The following PIAS2 variants were observed in gnomAD, a reference collection of about 807,000 sequenced individuals.
PIAS2 encodes the protein protein inhibitor of activated STAT 2.
PIAS2 carries 19 observed loss-of-function variants against 69.7 expected under a neutral mutation model. The observed-to-expected ratio is 0.27, with a 90% CI of 0.19 to 0.40. The LOEUF is 0.40. Among genes scored for constraint, PIAS2 ranks in the 10% least tolerant of loss-of-function variants. PIAS2 has a pLI of 1.00. For missense variants in PIAS2, 624 were observed against 757.0 expected, an observed-to-expected ratio of 0.82 and a Z score of 2.06; for synonymous variants, 261 against 263.2, an observed-to-expected ratio of 0.99 and a Z score of 0.08.
At chr18:46,841,238 C>T (rs2045341165) in intron 8 of PIAS2, among the ~76,000 whole-genome samples, 1 of 152,184 alleles carries the variant, frequency 6.6e-6, no homozygotes, top group Non-Finnish European at 1.5e-5. Flanking sequence ...TTAGAATTTG[C>T]TCCCACTTTT....
intron 9 of PIAS2, among the ~76,000 whole-genome samples, chr18:46,831,626 T>C (rs2043633772): frequency 6.6e-6 from 1 of 152,148 alleles, no homozygotes; most frequent in Non-Finnish European, 1.5e-5. Flanking sequence ...TACAGACAAA[T>C]AAATCAATAG....
upstream of PIAS2, chr18:46,918,104 G>A (rs907621418): frequency 6.6e-6 from 1 of 152,086 alleles, no homozygotes; most frequent in Non-Finnish European, 1.5e-5. Context: ...TGAAATAAGA[G>A]CGCTCAGAAG....
intron 2 of PIAS2, among the ~76,000 whole-genome samples, chr18:46,873,464 G>A (rs1205657994): frequency 2.0e-5 from 3 of 152,154 alleles, no homozygotes; most frequent in South Asian, 2.1e-4. Context: ...ATGGGTATTC[G>A]GTGGTTGATG....
Position 46,828,025 on chromosome 18 carries a change from T to G in PIAS2, c.1442A>C (p.Glu481Ala). ...DLTIESSSDE[E>A]EDPPAKRKCI... ...TTTCCTTTTGGCAGGAGGGTCTTCCTCTTCGTCAGAAGAGCTTTCTATTGT... is the reference window on the plus strand; with the variant it reads ...TTTCCTTTTGGCAGGAGGGTCTTCCGCTTCGTCAGAAGAGCTTTCTATTGT... The change falls in exon 11 of 14, where the codon GAG becomes GCG. Residue 481 changes from glutamate (E) to alanine (A), a missense_variant. Glu to Ala is a moderately radical substitution (Grantham distance 107). This residue lies in a region of PIAS2 where 241 missense variants were observed against 257.3 expected (regional missense o/e 0.94). Transcript: ENST00000585916. The G allele has an allele frequency of 1.9e-6, 3 of 1,613,996 alleles. No homozygotes were observed. The highest frequency in any genetic ancestry group is 2.5e-6 in the Non-Finnish European group (3 of 1,179,904).
At chr18:46,918,869 C>T (rs1222891853), upstream of PIAS2, among the ~76,000 whole-genome samples, 1 of 152,120 alleles carries the variant, frequency 6.6e-6, no homozygotes, top group Non-Finnish European at 1.5e-5. Context: ...CCACATCCCA[C>T]ATTTTAATTC....
chr18:46,908,660 T>C (rs748957812), intron 1 of PIAS2, among the ~76,000 whole-genome samples: 1 of 152,148 alleles, frequency 6.6e-6, no homozygotes, highest in Non-Finnish European at 1.5e-5. Context: ...GCACTATCCA[T>C]AAAGAAAAGC....
At chr18:46,894,377 G>A (rs1356631864) in intron 1 of PIAS2, among the ~76,000 whole-genome samples, 2 of 152,122 alleles carry the variant, frequency 1.3e-5, no homozygotes, top group African/African-American at 4.8e-5. Context: ...AGGTTAGCCT[G>A]CTATGAACAC....
Position 46,844,131 on chromosome 18 carries a change from TAAAAAGAAGAG to T in PIAS2, c.968-15_968-5del, listed in dbSNP as rs1311876047. Reference sequence around the variant, plus strand: ...TCTGCAGTAAGTTTTTCTTTAACTTTAAAAAGAAGAGAAAAAAAAAAATTTAAAAAAATTAA... The same window carrying T: ...TCTGCAGTAAGTTTTTCTTTAACTTTAAAAAAAAAAATTTAAAAAAATTAA... On this transcript the variant is annotated splice_region_variant and splice_polypyrimidine_tract_variant and intron_variant, in intron 7 of 13. Transcript: ENST00000585916. 2.2e-6 allele frequency: 3 copies of T among 1,368,878 alleles called. No homozygotes were observed. Among genetic ancestry groups the T allele is most frequent in the Non-Finnish European group, 2.9e-6 (3 of 1,047,216 alleles). 84.8% of individuals were successfully genotyped at this position (1,368,878 alleles called of 1,614,324 possible). A position where few individuals can be genotyped will look rare whatever the true frequency, so the allele number is the denominator to read the frequency against.
Position 46,855,603 on chromosome 18 carries a change from T to C in PIAS2, c.597A>G (p.Pro199=), listed in dbSNP as rs1345307440. 2 of 1,613,204 alleles carry C rather than the reference T, an allele frequency of 1.2e-6. No individual in the cohort carries two copies. The highest frequency in any genetic ancestry group is 1.7e-6 in the Non-Finnish European group (2 of 1,179,398). The change falls in exon 4 of 14, where the codon CCA becomes CCG. Residue 199 remains proline (P), a synonymous_variant. Coordinates refer to ENST00000585916, the MANE Select transcript of PIAS2 (RefSeq NM_004671.5). ...GGACTGTATAATCTCTCCTACCACC[T>C]GGCAAAAAATCCCTGTTGGAAAGAG... ...REICISRDFL[P]GGRRDYTVQV...
At chr18:46,918,653 C>T (rs916326883), upstream of PIAS2, among the ~76,000 whole-genome samples, 1 of 152,158 alleles carries the variant, frequency 6.6e-6, no homozygotes, top group African/African-American at 2.4e-5. Context: ...AACTCCGGAC[C>T]TCAGGTGATC....
At chr18:46,906,116 GCTT>G (rs1599052396) in intron 1 of PIAS2, 1 of 152,076 alleles carries the variant, frequency 6.6e-6, no homozygotes, top group Non-Finnish European at 1.5e-5. Context: ...TGCAGAAAAA[GCTT>G]CTGATAAAAT....
chr18:46,917,647 GC>G (rs1298148475), upstream of PIAS2: 3 of 775,314 alleles, frequency 3.9e-6, no homozygotes, highest in Non-Finnish European at 3.1e-6. Context: ...CCGGCGTGCT[GC>G]CCCGCGGCTT....
At chr18:46,919,610 T>C (rs1400500461), upstream of PIAS2, among the ~76,000 whole-genome samples, 1 of 152,150 alleles carries the variant, frequency 6.6e-6, no homozygotes, top group Non-Finnish European at 1.5e-5. Flanking sequence ...GATCGCACCA[T>C]TGCACTCCAG....
At chr18:46,887,681 A>G (rs1267730361) in intron 2 of PIAS2, among the ~76,000 whole-genome samples, 1 of 152,210 alleles carries the variant, frequency 6.6e-6, no homozygotes, top group Non-Finnish European at 1.5e-5. Flanking sequence ...TTAAATATAA[A>G]AGGTTTATTT....
rs994510918 is a variant in PIAS2, at chr18:46,917,055, C to T, written c.24+267G>A. On this transcript the variant is annotated intron_variant, in intron 1 of 13. Transcript: ENST00000585916. ...TGCCCCTCCTGGAGGGCGCCCCGACCCCCCGCGCCAGGTGTGCGGACCACT... is the reference window on the plus strand; with the variant it reads ...TGCCCCTCCTGGAGGGCGCCCCGACTCCCCGCGCCAGGTGTGCGGACCACT... The T allele has an allele frequency of 8.8e-5, 87 of 988,192 alleles. 1 individual carries two copies. The Middle Eastern group carries it at 1.5e-3, about 18-fold the overall frequency. The allele number at this position is 988,192 out of a possible 1,614,324, so 61.2% of individuals were successfully genotyped here.
At chr18:46,815,447 G>A (rs1218795394) in intron 12 of PIAS2, 98 bp from the exon 13 acceptor site, 2 of 1,584,478 alleles carry the variant, frequency 1.3e-6, no homozygotes, top group East Asian at 2.3e-5. Flanking sequence ...AACATTTGTG[G>A]TAAGTGCTTA....
chr18:46,806,939 T>C lies in PIAS2; in HGVS notation c.*5494A>G, dbSNP rs1362483606. On this transcript the variant is annotated 3_prime_UTR_variant, in exon 14 of 14. Transcript: ENST00000585916. ...GATTGTGCTACGCCAATCAAGAAAA[T>C]GTTGTACCTCAAACATCTGAAGGTA... is the stretch of plus-strand genomic sequence containing the variant. 1 of 152,082 alleles carries C rather than the reference T, an allele frequency of 6.6e-6. No homozygotes were observed. The highest frequency in any genetic ancestry group is 6.6e-5 in the Admixed American group (1 of 15,262). The allele number at this position is 152,082 out of a possible 1,614,324, so 9.4% of individuals were successfully genotyped here. A position where few individuals can be genotyped will look rare whatever the true frequency, so the allele number is the denominator to read the frequency against.
chr18:46,838,142 T>C (rs567658240), intron 8 of PIAS2, among the ~76,000 whole-genome samples: 1 of 152,326 alleles, frequency 6.6e-6, no homozygotes, highest in Admixed American at 6.5e-5. Context: ...TTCTAATTCC[T>C]CTAAAATGAA....
chr18:46,905,295 C>A (rs922444383), intron 1 of PIAS2, among the ~76,000 whole-genome samples: 2 of 151,882 alleles, frequency 1.3e-5, no homozygotes, highest in African/African-American at 4.8e-5. Flanking sequence ...GAATTCACAA[C>A]GGAAAATAGA....
Sources: allele counts gnomAD v4.1 joint callset (sites outside exome capture counted in the v4.1 genomes callset), GRCh38; gene constraint gnomAD v4.1.1; regional missense constraint gnomAD v4.1.1; transcripts MANE v1.5; gene names NCBI Gene and HGNC (gene_info 2026-07-23, HGNC 2026-07-21).